Variants in SOD2 observed in about 807,000 individuals in gnomAD.
SOD2 encodes the protein superoxide dismutase 2, also known as superoxide dismutase [Mn], mitochondrial.
SOD2 carries 11 observed loss-of-function variants against 27.0 expected under a neutral mutation model. The observed-to-expected ratio is 0.41, with a 90% CI of 0.26 to 0.67. SOD2 has a LOEUF of 0.67. Ranked by LOEUF, SOD2 falls within the 30% of genes least tolerant of loss-of-function variation. SOD2 has a pLI of 0.34. For missense variants in SOD2, 250 were observed against 274.5 expected (o/e 0.91, Z 0.63); for synonymous variants, 105 against 103.0 (o/e 1.02, Z -0.12).
upstream of SOD2, among the ~76,000 whole-genome samples, chr6:159,693,876 A>T (rs1381829104): frequency 2.6e-5 from 4 of 152,200 alleles, no homozygotes; most frequent in South Asian, 4.1e-4. Context: ...CTATTCCAGG[A>T]CAGGAGGCAC....
In SOD2 at chr6:159,677,556, G is replaced by A. The variant is rs149758132; in HGVS notation, c.*4937C>T. Reference sequence around the variant, plus strand: ...CAGAACTTTATGTAAAATACATCTTGTAAAAGTATGATTACTTTATTTTTC... The same window carrying A: ...CAGAACTTTATGTAAAATACATCTTATAAAAGTATGATTACTTTATTTTTC... On this transcript the variant is annotated 3_prime_UTR_variant, in exon 5 of 5. Transcript: ENST00000538183. 2.0e-5 allele frequency: 3 copies of A among 152,256 alleles called. No individual in the cohort carries two copies. Among genetic ancestry groups the A allele is most frequent in the Non-Finnish European group, 1.5e-5 (1 of 68,020 alleles). The allele number at this position is 152,256 out of a possible 1,614,324, so 9.4% of individuals were successfully genotyped here. A position where few individuals can be genotyped will look rare whatever the true frequency, so the allele number is the denominator to read the frequency against.
upstream of SOD2, among the ~76,000 whole-genome samples, chr6:159,728,805 T>C (rs774546890): frequency 4.3e-4 from 65 of 152,230 alleles, no homozygotes; most frequent in Non-Finnish European, 8.8e-4. Context: ...GTAGGTGTGT[T>C]TCTTACAGTG....
intron 1 of SOD2, chr6:159,726,955 G>C: frequency 1.6e-6 from 2 of 1,287,308 alleles, no homozygotes; most frequent in East Asian, 5.6e-5. Flanking sequence ...ACGGATGAGC[G>C]TCACGAACAC....
At chr6:159,692,331 T>C in intron 2 of SOD2, 1 of 1,044,026 alleles carries the variant, frequency 9.6e-7, no homozygotes, top group Non-Finnish European at 1.3e-6. Context: ...AAAAAACGAG[T>C]GACACAGTAG....
chr6:159,678,130 G>A lies in SOD2; in HGVS notation c.*4363C>T, dbSNP rs1779818941. 6.6e-6 allele frequency: 1 copy of A among 152,218 alleles called. No homozygotes were observed. The highest frequency in any genetic ancestry group is 1.5e-5 in the Non-Finnish European group (1 of 68,064). The allele number at this position is 152,218 out of a possible 1,614,324, so 9.4% of individuals were successfully genotyped here. A position where few individuals can be genotyped will look rare whatever the true frequency, so the allele number is the denominator to read the frequency against. ...AGGGTCGGGGTCCAGATGAGCTTCT[G>A]GGTAGCTGATGACGTGGAGAGAGCA... is the stretch of plus-strand genomic sequence containing the variant. On this transcript the variant is annotated 3_prime_UTR_variant, in exon 5 of 5. Transcript: ENST00000538183.
chr6:159,692,503 C>A lies in SOD2; in HGVS notation c.226+158G>T, dbSNP rs540055283. On this transcript the variant is annotated intron_variant, in intron 2 of 4. Transcript: ENST00000538183. ...GCACTCCTTCTACAATGAGGTAGAC[C>A]ATGTGTTTAAAAGAGAGACTATCGT... 1.1e-4 allele frequency: 164 copies of A among 1,457,578 alleles called. 3 individuals carry two copies. In the South Asian group the frequency reaches 2.3e-3, roughly 20 times the overall value. The allele number at this position is 1,457,578 out of a possible 1,614,324, so 90.3% of individuals were successfully genotyped here. A position where few individuals can be genotyped will look rare whatever the true frequency, so the allele number is the denominator to read the frequency against.
intron 1 of SOD2, among the ~76,000 whole-genome samples, chr6:159,756,594 C>T (rs1458614545): frequency 1.9e-4 from 18 of 94,370 alleles, no homozygotes; most frequent in Admixed American, 7.2e-4. Context: ...ATTTCTTAGG[C>T]TTTTTTTTTT....
chr6:159,701,436 T>C (rs1275764496), intron 1 of SOD2, among the ~76,000 whole-genome samples: 1 of 152,112 alleles, frequency 6.6e-6, no homozygotes, highest in Non-Finnish European at 1.5e-5. Context: ...CTGGGCGTGA[T>C]AGCACATGCC....
chr6:159,745,433 C>T (rs1253412739), upstream of SOD2, among the ~76,000 whole-genome samples: 1 of 151,502 alleles, frequency 6.6e-6, no homozygotes, highest in East Asian at 1.9e-4. Context: ...CTAACCTTTT[C>T]CAGCTTTTTT....
At chr6:159,703,062 C>A (rs1338691938) in intron 1 of SOD2, among the ~76,000 whole-genome samples, 1 of 152,060 alleles carries the variant, frequency 6.6e-6, no homozygotes, top group Non-Finnish European at 1.5e-5. Flanking sequence ...CGCCTGTAAT[C>A]CCAGCACTTT....
At chr6:159,716,773 G>A (rs1777928273) in intron 1 of SOD2, among the ~76,000 whole-genome samples, 1 of 152,158 alleles carries the variant, frequency 6.6e-6, no homozygotes, top group African/African-American at 2.4e-5. Context: ...AAATGCACAA[G>A]ATACTTTTCA....
intron 1 of SOD2, among the ~76,000 whole-genome samples, chr6:159,708,344 T>C (rs1011401327): frequency 6.6e-6 from 1 of 152,222 alleles, no homozygotes; most frequent in African/African-American, 2.4e-5. Flanking sequence ...TGTTTGCAGA[T>C]GACACGATTG....
At chr6:159,688,637 T>C (rs943297045) in intron 2 of SOD2, among the ~76,000 whole-genome samples, 1 of 152,068 alleles carries the variant, frequency 6.6e-6, no homozygotes, top group Non-Finnish European at 1.5e-5. Context: ...TTGGGAAATA[T>C]CTCCAAGTCA....
chr6:159,729,183 C>G (rs544635229), upstream of SOD2, among the ~76,000 whole-genome samples: 50 of 152,244 alleles, frequency 3.3e-4, no homozygotes, highest in Non-Finnish European at 5.4e-4. Flanking sequence ...TATTGAATCC[C>G]CTTGAATATA....
upstream of SOD2, among the ~76,000 whole-genome samples, chr6:159,745,643 T>C (rs768287171): frequency 6.6e-6 from 1 of 152,124 alleles, no homozygotes; most frequent in Non-Finnish European, 1.5e-5. Flanking sequence ...GAATCTTGGG[T>C]ATTCTAGAAG....
At chr6:159,687,383 G>T (rs5746117) in intron 3 of SOD2, among the ~76,000 whole-genome samples, 3,722 of 152,142 alleles carry the variant, frequency 0.024, 157 homozygotes, top group African/African-American at 0.086. Flanking sequence ...TACTTGGGTG[G>T]CTGAGACACA....
intron 3 of SOD2, among the ~76,000 whole-genome samples, chr6:159,685,569 C>T (rs1182875189): frequency 6.6e-6 from 1 of 152,032 alleles, no homozygotes; most frequent in African/African-American, 2.4e-5. Flanking sequence ...TCAGAGGGTA[C>T]ACGCACAGGT....
intron 1 of SOD2, among the ~76,000 whole-genome samples, chr6:159,735,942 C>A (rs1778887649): frequency 6.6e-6 from 1 of 151,968 alleles, no homozygotes; most frequent in Non-Finnish European, 1.5e-5. Flanking sequence ...TTCTCTTCAC[C>A]CTTTATGGCG....
rs189551887 is a variant in SOD2, at chr6:159,741,249, A to G, written c.-116+3881T>C. On this transcript the variant is annotated intron_variant, in intron 1 of 3. Transcript: ENST00000537657. ...GGGTAGAGAAGTATAATGAAGAACA[A>G]CGGTCCCCTTGTATTCTGATAGCAT... is the stretch of plus-strand genomic sequence containing the variant. Among the ~76,000 whole-genome samples, 884 of 152,278 alleles carry G rather than the reference A, an allele frequency of 5.8e-3. 8 individuals carry two copies. The highest frequency in any genetic ancestry group is 8.9e-3 in the Non-Finnish European group (606 of 68,020).
Sources: gnomAD v4.1 joint callset for allele counts (sites outside exome capture counted in the v4.1 genomes callset) on GRCh38, gnomAD v4.1.1 for gene constraint, MANE v1.5 for transcripts, NCBI Gene and HGNC (gene_info 2026-07-23, HGNC 2026-07-21) for gene names.